The following ARHGAP32 variants were observed in gnomAD, a reference collection of about 807,000 sequenced individuals.
ARHGAP32 encodes Rho GTPase activating protein 32.
ARHGAP32 carries 51 observed loss-of-function variants against 186.5 expected under a neutral mutation model. The observed-to-expected ratio is 0.27, with a 90% CI of 0.22 to 0.35. The LOEUF (loss-of-function observed/expected upper bound fraction) is 0.35. Ranked by LOEUF, ARHGAP32 falls within the 10% of genes least tolerant of loss-of-function variation. ARHGAP32 has a pLI of 1.00. For synonymous variants in ARHGAP32, 950 were observed against 964.3 expected (o/e 0.99, Z 0.27); for missense variants, 2,186 against 2,623.5 (o/e 0.83, Z 3.64).
chr11:129,182,012 C>T (rs1242368355), intron 1 of ARHGAP32, among the ~76,000 whole-genome samples: 1 of 152,054 alleles, frequency 6.6e-6, no homozygotes, highest in Non-Finnish European at 1.5e-5. Flanking sequence ...TGTAAATATG[C>T]TGCTTCTTAG....
rs551489910 is a variant in ARHGAP32, at chr11:129,240,523, C to A, written c.-5+38623G>T. Reference sequence around the variant, plus strand: ...AAATTCACACAGTACCTAGTTTACCCTTCTCACAGGATATTTATATTGCCT... The same window carrying A: ...AAATTCACACAGTACCTAGTTTACCATTCTCACAGGATATTTATATTGCCT... On this transcript the variant is annotated intron_variant, in intron 1 of 6. Coordinates refer to the ARHGAP32 transcript ENST00000525234. 3.9e-5 allele frequency among the ~76,000 whole-genome samples: 6 copies of A among 152,282 alleles called. No homozygotes were observed. In the South Asian group the frequency reaches 1.2e-3, roughly 32 times the overall value.
intron 5 of ARHGAP32, among the ~76,000 whole-genome samples, chr11:129,104,917 A>C (rs1338339356): frequency 6.6e-6 from 1 of 152,068 alleles, no homozygotes; most frequent in Non-Finnish European, 1.5e-5. Flanking sequence ...GCTTGCCCCA[A>C]ACCTCTCTGG....
intron 1 of ARHGAP32, among the ~76,000 whole-genome samples, chr11:129,174,830 C>A (rs1431066759): frequency 6.6e-6 from 1 of 151,006 alleles, no homozygotes; most frequent in Non-Finnish European, 1.5e-5. Flanking sequence ...GATAAAACCA[C>A]AAAGATGGGG....
At chr11:129,048,314 A>G (rs1939895714) in intron 10 of ARHGAP32, among the ~76,000 whole-genome samples, 2 of 152,216 alleles carry the variant, frequency 1.3e-5, no homozygotes, top group South Asian at 4.1e-4. Flanking sequence ...AGCAAGGGAC[A>G]AAGAGTGTAG....
chr11:129,011,871 G>A (rs757051805), intron 11 of ARHGAP32, among the ~76,000 whole-genome samples: 2 of 152,002 alleles, frequency 1.3e-5, no homozygotes, highest in African/African-American at 2.4e-5. Flanking sequence ...AAGAAAGGAT[G>A]AGGAATACAC....
At chr11:129,231,800 G>C (rs1054503995) in intron 1 of ARHGAP32, among the ~76,000 whole-genome samples, 4 of 151,810 alleles carry the variant, frequency 2.6e-5, no homozygotes, top group African/African-American at 9.7e-5. Flanking sequence ...AGAAGCAGGC[G>C]AATCACTTGA....
intron 13 of ARHGAP32, 121 bp downstream of exon 13, chr11:128,987,902 T>G: frequency 1.4e-6 from 1 of 701,426 alleles, no homozygotes; most frequent in Middle Eastern, 2.6e-4. Flanking sequence ...TGTATATTAT[T>G]TCCTATTTTA....
chr11:129,100,585 A>AG (rs1193225674), intron 5 of ARHGAP32, among the ~76,000 whole-genome samples: 3 of 152,120 alleles, frequency 2.0e-5, no homozygotes, highest in Non-Finnish European at 2.9e-5. Context: ...ACAAGAGTGC[A>AG]ATCCACCCTA....
intron 1 of ARHGAP32, among the ~76,000 whole-genome samples, chr11:129,256,584 A>G (rs896549334): frequency 1.3e-4 from 20 of 152,278 alleles, no homozygotes; most frequent in African/African-American, 4.6e-4. Context: ...CATCCATCCA[A>G]TTGGATATCC....
intron 1 of ARHGAP32, among the ~76,000 whole-genome samples, chr11:129,251,462 T>C (rs1945181121): frequency 6.6e-6 from 1 of 151,970 alleles, no homozygotes; most frequent in Non-Finnish European, 1.5e-5. Flanking sequence ...AAACAGAAAA[T>C]GACATCTAAG....
At chr11:129,117,500 C>G (rs1017559149) in intron 5 of ARHGAP32, among the ~76,000 whole-genome samples, 5 of 151,960 alleles carry the variant, frequency 3.3e-5, no homozygotes, top group African/African-American at 1.2e-4. Flanking sequence ...TTTCCGCCTT[C>G]CCAGCATCAA....
intron 1 of ARHGAP32, among the ~76,000 whole-genome samples, chr11:129,209,374 A>G (rs1484064329): frequency 6.6e-6 from 1 of 152,038 alleles, no homozygotes; most frequent in Non-Finnish European, 1.5e-5. Flanking sequence ...GCTAAGGGCA[A>G]TAACAAGAAG....
intron 1 of ARHGAP32, among the ~76,000 whole-genome samples, chr11:129,178,942 T>C (rs1298135131): frequency 4.6e-5 from 7 of 152,006 alleles, no homozygotes; most frequent in South Asian, 4.2e-4. Flanking sequence ...AATTGACAAA[T>C]GGGATCTAAT....
intron 10 of ARHGAP32, among the ~76,000 whole-genome samples, chr11:129,041,492 TA>T (rs5795655): frequency 0.67 from 87,441 of 130,300 alleles, 28,363 homozygotes; most frequent in Non-Finnish European, 0.76. Context: ...CCAGGTTTCA[TA>T]AAAAAAAAAA....
intron 1 of ARHGAP32, among the ~76,000 whole-genome samples, chr11:129,231,014 A>C (rs1254806359): frequency 3.9e-5 from 6 of 152,114 alleles, no homozygotes; most frequent in African/African-American, 1.4e-4. Flanking sequence ...GGGTGCCTGT[A>C]ATCCCAGCTA....
chr11:129,047,478 T>C (rs907047869), intron 10 of ARHGAP32, among the ~76,000 whole-genome samples: 3 of 152,150 alleles, frequency 2.0e-5, no homozygotes, highest in Non-Finnish European at 4.4e-5. Context: ...CTACCCAATA[T>C]GGACCCTGTG....
At chr11:129,270,439 T>C (rs186181349) in intron 1 of ARHGAP32, among the ~76,000 whole-genome samples, 2 of 151,974 alleles carry the variant, frequency 1.3e-5, no homozygotes, top group East Asian at 1.9e-4. Flanking sequence ...ATGATGTGGA[T>C]ACATGTCATT....
intron 1 of ARHGAP32, among the ~76,000 whole-genome samples, chr11:129,170,570 C>T (rs1395885066): frequency 6.6e-6 from 1 of 152,128 alleles, no homozygotes; most frequent in African/African-American, 2.4e-5. Context: ...TTTCTTTATC[C>T]AGTCTGTCAC....
intron 2 of ARHGAP32, among the ~76,000 whole-genome samples, chr11:129,130,672 C>A (rs73581230): frequency 0.012 from 1,800 of 152,124 alleles, 39 homozygotes; most frequent in African/African-American, 0.041. Flanking sequence ...CAGTGCACAC[C>A]TGCCAAAAAG....
Sources: allele counts gnomAD v4.1 joint callset (sites outside exome capture counted in the v4.1 genomes callset), GRCh38; gene constraint gnomAD v4.1.1; transcripts MANE v1.5; gene names NCBI Gene and HGNC (gene_info 2026-07-23, HGNC 2026-07-21).